The following TANC1 variants were observed in gnomAD, a reference collection of about 807,000 sequenced individuals.
TANC1 encodes the protein tetratricopeptide repeat, ankyrin repeat and coiled-coil containing 1, also known as protein TANC1.
TANC1 carries 77 observed loss-of-function variants against 149.7 expected under a neutral mutation model. That is an observed-to-expected ratio of 0.51 (90% CI 0.43 to 0.62). The LOEUF (loss-of-function observed/expected upper bound fraction) is 0.62, where lower values mean the gene tolerates loss of function less well. Ranked by LOEUF, TANC1 falls within the 20% of genes least tolerant of loss-of-function variation. TANC1 has a pLI of 0.00. For missense variants in TANC1, 1,985 were observed against 2,321.8 expected (o/e 0.85, Z 2.98); for synonymous variants, 854 against 925.0 (o/e 0.92, Z 1.39).
At position 158,980,651 on chromosome 2, in the gene TANC1, T is replaced by G. The variant is rs922888353; in HGVS notation, c.-126+11869T>G. 1.3e-4 allele frequency among the ~76,000 whole-genome samples: 19 copies of G among 151,974 alleles called. 1 individual carries two copies. Among genetic ancestry groups the G allele is most frequent in the South Asian group, 1.0e-3 (5 of 4,798 alleles). On this transcript the variant is annotated intron_variant, in intron 1 of 26. Transcript: ENST00000263635. ...ATAGCCGGGCATGGTGGCGGGCACC[T>G]GTAGTCCCAGCTACTCAGGAGGCTG...
At position 159,155,307 on chromosome 2, in the gene TANC1, A is replaced by G. The variant is rs80300091; in HGVS notation, c.682+4751A>G. Among the ~76,000 whole-genome samples, 86 of 152,336 alleles carry G rather than the reference A, an allele frequency of 5.6e-4. 1 individual carries two copies. The East Asian group carries it at 0.015, about 26-fold the overall frequency. ...AAAAAGAAATCCTTCCTATCCATTAATGATAGATGTGCAGAGGGGAAGGAC... is the reference window on the plus strand; with the variant it reads ...AAAAAGAAATCCTTCCTATCCATTAGTGATAGATGTGCAGAGGGGAAGGAC... On this transcript the variant is annotated intron_variant, in intron 7 of 26. Coordinates refer to ENST00000263635, the MANE Select transcript of TANC1 (RefSeq NM_033394.3).
chr2:159,098,426 T>C (rs968688496), intron 4 of TANC1, among the ~76,000 whole-genome samples: 1 of 152,238 alleles, frequency 6.6e-6, no homozygotes, highest in Non-Finnish European at 1.5e-5. Context: ...AATCACCTAA[T>C]GACGCCTGTC....
chr2:159,100,922 A>C (rs2046623979), intron 4 of TANC1, among the ~76,000 whole-genome samples: 1 of 152,204 alleles, frequency 6.6e-6, no homozygotes, highest in African/African-American at 2.4e-5. Flanking sequence ...CTGGATTTAA[A>C]AAGACTCATC....
intron 1 of TANC1, among the ~76,000 whole-genome samples, chr2:158,984,989 G>A (rs2034842513): frequency 6.6e-6 from 1 of 152,166 alleles, no homozygotes; most frequent in African/African-American, 2.4e-5. Context: ...TTTTTCAGCA[G>A]GGAGATGATG....
chr2:158,983,608 T>C (rs1332615719), intron 1 of TANC1, among the ~76,000 whole-genome samples: 1 of 152,038 alleles, frequency 6.6e-6, no homozygotes, highest in African/African-American at 2.4e-5. Flanking sequence ...ACTGACAACA[T>C]GTGAAGCTCC....
chr2:159,049,212 T>A (rs2041292130), intron 2 of TANC1, among the ~76,000 whole-genome samples: 1 of 152,242 alleles, frequency 6.6e-6, no homozygotes, highest in Non-Finnish European at 1.5e-5. Flanking sequence ...AAGTCTTGGT[T>A]TCTTATAAAA....
At chr2:159,163,821 C>T (rs2054295457) in intron 8 of TANC1, among the ~76,000 whole-genome samples, 1 of 75,008 alleles carries the variant, frequency 1.3e-5, no homozygotes, top group South Asian at 3.6e-4. Flanking sequence ...AAAAACTCTC[C>T]TCTCGGTTTT....
intron 4 of TANC1, among the ~76,000 whole-genome samples, chr2:159,134,693 C>A (rs965906869): frequency 6.6e-6 from 1 of 152,084 alleles, no homozygotes; most frequent in African/African-American, 2.4e-5. Flanking sequence ...ACCATCTTGG[C>A]CAGGCTGGTC....
intron 1 of TANC1, among the ~76,000 whole-genome samples, chr2:158,983,454 A>G (rs1369218045): frequency 1.4e-4 from 19 of 134,852 alleles, no homozygotes; most frequent in Admixed American, 2.2e-4. Flanking sequence ...GAGACAGAGC[A>G]AGACTCCGTC....
chr2:159,154,927 G>T (rs2053256758), intron 7 of TANC1, among the ~76,000 whole-genome samples: 1 of 152,122 alleles, frequency 6.6e-6, no homozygotes, highest in Non-Finnish European at 1.5e-5. Context: ...TTTTAAAGGT[G>T]TTTCCTCCTT....
At chr2:159,064,463 ATTG>A (rs751676407) in intron 2 of TANC1, among the ~76,000 whole-genome samples, 1 of 152,116 alleles carries the variant, frequency 6.6e-6, no homozygotes, top group Non-Finnish European at 1.5e-5. Flanking sequence ...GTTTTGTTTG[ATTG>A]TTGTTGCCCA....
chr2:159,085,233 C>A (rs894280095), intron 3 of TANC1, among the ~76,000 whole-genome samples: 1 of 152,146 alleles, frequency 6.6e-6, no homozygotes, highest in African/African-American at 2.4e-5. Context: ...GTGTCCACTT[C>A]CCGTTTGACT....
rs144889801 is a variant in TANC1, at chr2:158,995,903, C to T, written c.-125-5177C>T. On this transcript the variant is annotated intron_variant, in intron 1 of 26. Coordinates refer to ENST00000263635, the MANE Select transcript of TANC1 (RefSeq NM_033394.3). ...TGCCCTGTGCATCTCTGGCCTGGCTCAGCCGTGGGTGCACTCTGCCTGGTC... is the reference window on the plus strand; with the variant it reads ...TGCCCTGTGCATCTCTGGCCTGGCTTAGCCGTGGGTGCACTCTGCCTGGTC... Among the ~76,000 whole-genome samples, 275 of 152,364 alleles carry T rather than the reference C, an allele frequency of 1.8e-3. 1 individual carries two copies. Among genetic ancestry groups the T allele is most frequent in the South Asian group, 7.5e-3 (36 of 4,828 alleles).
chr2:159,130,661 T>C (rs1281998622), intron 4 of TANC1, among the ~76,000 whole-genome samples: 2 of 152,192 alleles, frequency 1.3e-5, no homozygotes, highest in Non-Finnish European at 2.9e-5. Context: ...CAGTATCCTT[T>C]TGTGTAATAG....
chr2:159,211,305 T>C (rs2058966832), intron 19 of TANC1, among the ~76,000 whole-genome samples: 1 of 152,262 alleles, frequency 6.6e-6, no homozygotes, highest in African/African-American at 2.4e-5. Flanking sequence ...ATTTTACAAC[T>C]AGAAGAAATT....
chr2:159,172,591 A>G (rs2055379341), intron 11 of TANC1, among the ~76,000 whole-genome samples: 1 of 152,220 alleles, frequency 6.6e-6, no homozygotes, highest in Non-Finnish European at 1.5e-5. Flanking sequence ...GTATGTGAGC[A>G]GGAAATTGGG....
intron 3 of TANC1, among the ~76,000 whole-genome samples, chr2:159,091,873 G>T (rs1361335333): frequency 2.6e-5 from 4 of 151,600 alleles, no homozygotes; most frequent in African/African-American, 7.3e-5. Flanking sequence ...ACATAAAATG[G>T]CTTCAAGTGC....
At chr2:159,126,012 C>G (rs1428259029) in intron 4 of TANC1, among the ~76,000 whole-genome samples, 1 of 152,204 alleles carries the variant, frequency 6.6e-6, no homozygotes, top group East Asian at 1.9e-4. Context: ...CCTTCTCACA[C>G]TTTAGTGTCT....
intron 3 of TANC1, among the ~76,000 whole-genome samples, chr2:159,076,142 C>G (rs2043649555): frequency 6.6e-6 from 1 of 151,872 alleles, no homozygotes; most frequent in Non-Finnish European, 1.5e-5. Flanking sequence ...TTGTTTTTTT[C>G]TGTTGGGATT....
Sources: allele counts gnomAD v4.1 joint callset (sites outside exome capture counted in the v4.1 genomes callset), GRCh38; gene constraint gnomAD v4.1.1; transcripts MANE v1.5; gene names NCBI Gene and HGNC (gene_info 2026-07-23, HGNC 2026-07-21).